Variants in OSBPL5 observed in about 807,000 individuals in gnomAD.
OSBPL5 encodes the protein oxysterol-binding protein-related protein 5.
A neutral mutation model predicts 111.2 loss-of-function variants in OSBPL5; 71 were observed. The observed-to-expected ratio is 0.64, with a 90% CI of 0.53 to 0.78. The LOEUF is 0.78. Among genes scored for constraint, OSBPL5 ranks in the 30% least tolerant of loss-of-function variants. OSBPL5 has a pLI of 0.00. For synonymous variants in OSBPL5, 549 were observed against 513.9 expected (o/e 1.07, Z -0.93); for missense variants, 1,210 against 1,189.3 (o/e 1.02, Z -0.26).
At chr11:3,097,990 C>T (rs1342619560) in intron 14 of OSBPL5, among the ~76,000 whole-genome samples, 2 of 152,136 alleles carry the variant, frequency 1.3e-5, no homozygotes, top group East Asian at 3.9e-4. Flanking sequence ...ATTGCTTGAA[C>T]CCAGGTGGTG....
chr11:3,134,526 G>C (rs1038093001), intron 1 of OSBPL5, among the ~76,000 whole-genome samples: 1 of 152,190 alleles, frequency 6.6e-6, no homozygotes, highest in Non-Finnish European at 1.5e-5. Flanking sequence ...CCCTCCTCCT[G>C]CTGCTGGTCC....
rs570059052 is a variant in OSBPL5 at position 3,161,161 on chromosome 11, A to G, written c.-22+4055T>C. On this transcript the variant is annotated intron_variant, in intron 1 of 21. Transcript: ENST00000263650. The surrounding 1 kb of genome is among the most constrained non-coding windows in gnomAD (Gnocchi z 8.0). ...ATCCCTAAGAATGTACATATTTAGA[A>G]GGAATACTGTTCAGTTGTTGAGCCT... 1 of 152,240 alleles carries G rather than the reference A, an allele frequency of 6.6e-6. No individual in the cohort carries two copies. The highest frequency in any genetic ancestry group is 2.4e-5 in the African/African-American group (1 of 41,464). The allele number at this position is 152,240 out of a possible 1,614,324, so 9.4% of individuals were successfully genotyped here.
chr11:3,138,014 A>G (rs1053770202), intron 1 of OSBPL5, among the ~76,000 whole-genome samples: 26 of 152,178 alleles, frequency 1.7e-4, no homozygotes, highest in Non-Finnish European at 1.8e-4. Flanking sequence ...TTGAACCTCA[A>G]GAGGGGCACA....
chr11:3,129,034 C>G lies in OSBPL5; in HGVS notation c.115G>C (p.Glu39Gln). ...TTACCTGGGCTGAGTGGGTAGAGCT[C>G]ATTGTCTCCGCTGAGGAGCAAGTTC... is the stretch of plus-strand genomic sequence containing the variant. The part of the protein sequence containing the change: ...TRNLLLSGDN[E>Q]LYPLSPGKDM... The change falls in exon 2 of 22, where the codon GAG (glutamate) becomes CAG (glutamine). Residue 39 changes from glutamate (E) to glutamine (Q), a missense_variant. Coordinates refer to ENST00000263650, the MANE Select transcript of OSBPL5 (RefSeq NM_020896.4). 6.3e-7 allele frequency: 1 copy of G among 1,587,512 alleles called. No homozygotes were observed. Among genetic ancestry groups the G allele is most frequent in the Non-Finnish European group, 8.6e-7 (1 of 1,167,804 alleles).
rs151250529 is a variant in OSBPL5 at position 3,092,473 on chromosome 11, G to C, written c.2218C>G (p.Arg740Gly). ...LRTLQQEAVA[R>G]QTTFLGSPGP... ...GGGCTGCCCAGGAAGGTGGTCTGGC[G>C]GGCCACGGCCTCCTGCTGCAAGGTC... The change falls in exon 19 of 22, where the codon CGC becomes GGC. Residue 740 changes from arginine to glycine, a missense_variant. Physicochemically the swap from Arg to Gly is moderately radical, Grantham distance 125 (BLOSUM62 -2). Coordinates refer to ENST00000263650, the MANE Select transcript of OSBPL5 (RefSeq NM_020896.4). The surrounding 1 kb of genome is among the most constrained non-coding windows in gnomAD (Gnocchi z 5.4). 1 of 1,575,194 alleles carries C rather than the reference G, an allele frequency of 6.3e-7. No individual in the cohort carries two copies. The highest frequency in any genetic ancestry group is 8.6e-7 in the Non-Finnish European group (1 of 1,160,866).
rs1846080298 is a variant in OSBPL5, at chr11:3,140,649, C to T, written c.-21-11480G>A. On this transcript the variant is annotated intron_variant, in intron 1 of 21. Transcript: ENST00000263650. This position sits in a 1 kb window ranked among gnomAD's most constrained non-coding sequence, Gnocchi z 4.5. ...GACAGGCATCGTCGTCCCGGCTCCC[C>T]TCTGTCCCCCAGCTCACATTACCCA... 6.6e-6 allele frequency among the ~76,000 whole-genome samples: 1 copy of T among 152,140 alleles called. No individual in the cohort carries two copies. The highest frequency in any genetic ancestry group is 1.5e-5 in the Non-Finnish European group (1 of 68,006).
At chr11:3,111,268 C>T (rs1312214528) in intron 7 of OSBPL5, among the ~76,000 whole-genome samples, 2 of 151,704 alleles carry the variant, frequency 1.3e-5, no homozygotes, top group African/African-American at 4.8e-5. Flanking sequence ...ACAAGGAAGG[C>T]AAGTTTTCCC....
rs1235688805 is a variant in OSBPL5 at position 3,087,928 on chromosome 11, A to G, written c.*277T>C. On this transcript the variant is annotated 3_prime_UTR_variant, in exon 22 of 22. Transcript: ENST00000263650. Reference sequence around the variant, plus strand: ...GCCGGACAGGGGGTGACACGGCAAGATGGCCAGGAGTGCGTCGCACAGCAG... The same window carrying G: ...GCCGGACAGGGGGTGACACGGCAAGGTGGCCAGGAGTGCGTCGCACAGCAG... 6.6e-6 allele frequency: 2 copies of G among 302,396 alleles called. No homozygotes were observed. The highest frequency in any genetic ancestry group is 1.2e-5 in the Non-Finnish European group (2 of 165,304). 18.7% of individuals were successfully genotyped at this position (302,396 alleles called of 1,614,324 possible).
rs757568610 is a variant in OSBPL5 at position 3,087,187 on chromosome 11, G to C, written c.*1018C>G. On this transcript the variant is annotated 3_prime_UTR_variant, in exon 22 of 22. Transcript: ENST00000263650. ...CACATCCCCAGATGGGGGAGGAGGGGAGACAAGGACACGGGTACAAAAACT... is the reference window on the plus strand; with the variant it reads ...CACATCCCCAGATGGGGGAGGAGGGCAGACAAGGACACGGGTACAAAAACT... 9 of 152,714 alleles carry C rather than the reference G, an allele frequency of 5.9e-5. No individual in the cohort carries two copies. Among genetic ancestry groups the C allele is most frequent in the African/African-American group, 2.2e-4 (9 of 41,442 alleles). The allele number at this position is 152,714 out of a possible 1,614,324, so 9.5% of individuals were successfully genotyped here. A position where few individuals can be genotyped will look rare whatever the true frequency, so the allele number is the denominator to read the frequency against.
At chr11:3,094,739 C>T (rs890034917) in intron 14 of OSBPL5, 8 of 173,012 alleles carry the variant, frequency 4.6e-5, no homozygotes, top group East Asian at 1.6e-4. Context: ...CTGCAGTTCC[C>T]GCTCTGGCAT....
chr11:3,093,015 C>A lies in OSBPL5; in HGVS notation c.1984G>T (p.Asp662Tyr). The change falls in exon 18 of 22, where the codon GAC becomes TAC. Residue 662 changes from aspartate (D) to tyrosine (Y), a missense_variant. Asp to Tyr is a radical substitution (Grantham distance 160). Transcript: ENST00000263650. ...TTCTCCTGTGTGGCCCTGTGCTGGT[C>A]GCCCTTGCTGATGGCCCTGGTGACG... ...QHVTRAISKGDQHRATQEKFA... is the reference protein window; with the variant it reads ...QHVTRAISKGYQHRATQEKFA... The A allele has an allele frequency of 4.4e-6, 7 of 1,602,222 alleles. No individual in the cohort carries two copies. Among genetic ancestry groups the A allele is most frequent in the Non-Finnish European group, 6.0e-6 (7 of 1,175,886 alleles).
chr11:3,112,084 T>C (rs796459632), intron 7 of OSBPL5, among the ~76,000 whole-genome samples: 88 of 123,480 alleles, frequency 7.1e-4, no homozygotes, highest in South Asian at 1.8e-3. Context: ...CATGTGTGTG[T>C]GCATGTGTGT....
chr11:3,149,988 G>A (rs1416738063), intron 1 of OSBPL5, among the ~76,000 whole-genome samples: 1 of 152,180 alleles, frequency 6.6e-6, no homozygotes, highest in Admixed American at 6.5e-5. Flanking sequence ...ACATACACAT[G>A]TGCACAGATG....
At position 3,102,206 on chromosome 11, in the gene OSBPL5, G is replaced by A. The variant is rs907431268; in HGVS notation, c.1402C>T (p.Arg468Cys). The change falls in exon 12 of 22, where the codon CGC becomes TGC. Residue 468 changes from arginine to cysteine, a missense_variant. Physicochemically the swap from Arg to Cys is radical, Grantham distance 180 (BLOSUM62 -3). Transcript: ENST00000263650. ...GCCTGCTCTGCTATGTAGAATGTGC[G>A]GCTGTCAGTCTGCGGGTGGAACCAG... ...CCWFHPQTDS[R>C]TFYIAEQVSH... 1.9e-5 allele frequency: 31 copies of A among 1,607,526 alleles called. No individual in the cohort carries two copies. Among genetic ancestry groups the A allele is most frequent in the East Asian group, 4.5e-5 (2 of 44,612 alleles).
intron 1 of OSBPL5, among the ~76,000 whole-genome samples, chr11:3,132,306 C>T (rs1302064722): frequency 2.0e-5 from 3 of 152,134 alleles, no homozygotes. Flanking sequence ...CAGACCACCT[C>T]TGACCCGCTC....
chr11:3,123,521 G>A (rs1858495711), intron 3 of OSBPL5, among the ~76,000 whole-genome samples: 1 of 152,266 alleles, frequency 6.6e-6, no homozygotes, highest in Non-Finnish European at 1.5e-5. Flanking sequence ...AACGGAGCCT[G>A]CGCCGCGGCG....
At chr11:3,139,142 C>T (rs945753848) in intron 1 of OSBPL5, among the ~76,000 whole-genome samples, 2 of 152,234 alleles carry the variant, frequency 1.3e-5, no homozygotes, top group African/African-American at 2.4e-5. Flanking sequence ...CACCCACACA[C>T]CACCACAGCT....
Position 3,126,615 on chromosome 11 carries a change from C to A in OSBPL5, c.137-60G>T. ...TGGTGGCGTGGCCAGGCTTCTCAGG[C>A]CGCTGCCTGGTGTGAGGCAGGCGAA... On this transcript the variant is annotated intron_variant, in intron 2 of 21. Coordinates refer to ENST00000263650, the MANE Select transcript of OSBPL5 (RefSeq NM_020896.4). The surrounding 1 kb of genome is among the most constrained non-coding windows in gnomAD (Gnocchi z 6.5). 6.8e-7 allele frequency: 1 copy of A among 1,466,304 alleles called. No homozygotes were observed. The highest frequency in any genetic ancestry group is 9.2e-7 in the Non-Finnish European group (1 of 1,082,204). The allele number at this position is 1,466,304 out of a possible 1,614,324, so 90.8% of individuals were successfully genotyped here.
intron 13 of OSBPL5, among the ~76,000 whole-genome samples, chr11:3,100,724 A>G (rs887615868): frequency 1.3e-5 from 2 of 152,114 alleles, no homozygotes; most frequent in African/African-American, 2.4e-5. Flanking sequence ...CCCAGCAGAG[A>G]GCCGAGCACA....
Sources: allele counts gnomAD v4.1 joint callset (sites outside exome capture counted in the v4.1 genomes callset), GRCh38; gene constraint gnomAD v4.1.1; non-coding constraint Gnocchi (gnomAD v3.1); transcripts MANE v1.5; gene names NCBI Gene and HGNC (gene_info 2026-07-23, HGNC 2026-07-21).